Variants in SH3KBP1 observed in about 807,000 individuals in gnomAD.
The protein encoded by SH3KBP1 is SH3 domain containing kinase binding protein 1, also known as SH3 domain-containing kinase-binding protein 1.
Under a neutral mutation model 50.1 loss-of-function variants are expected in SH3KBP1, and 8 were observed. The ratio of observed to expected loss-of-function variants is 0.16; its 90% CI spans 0.09 to 0.29. SH3KBP1 has a LOEUF of 0.29. Among genes scored for constraint, SH3KBP1 ranks in the 10% least tolerant of loss-of-function variants. The pLI, the probability that SH3KBP1 is intolerant of heterozygous loss-of-function variation, is 1.00. For synonymous variants in SH3KBP1, 227 were observed against 218.6 expected, an observed-to-expected ratio of 1.04 and a Z score of -0.34; for missense variants, 377 against 535.2, an observed-to-expected ratio of 0.70 and a Z score of 2.92.
At chrX:19,739,014 G>GA (rs1167676836) in intron 3 of SH3KBP1, among the ~76,000 whole-genome samples, 812 of 22,414 alleles carry the variant, frequency 0.036, 9 homozygotes, top group Middle Eastern at 0.13. Flanking sequence ...CTGCCTCCAA[G>GA]AAAAAAAAAA....
intron 12 of SH3KBP1, among the ~76,000 whole-genome samples, chrX:19,575,322 G>A (rs1310222146): frequency 8.9e-6 from 1 of 111,926 alleles, no homozygotes; most frequent in African/African-American, 3.2e-5. Flanking sequence ...AGTGTGACCT[G>A]GGGTGAACCC....
intron 13 of SH3KBP1, among the ~76,000 whole-genome samples, chrX:19,554,655 G>A (rs926984946): frequency 1.8e-5 from 2 of 110,449 alleles, no homozygotes; most frequent in African/African-American, 6.6e-5. Context: ...ACCCACCTCG[G>A]CCTCCCAAAG....
rs145192587 is a variant in SH3KBP1 at position 19,860,160 on chromosome X, T to G, written c.5-23878A>C. 8.4e-3 allele frequency among the ~76,000 whole-genome samples: 906 copies of G among 108,383 alleles called. 14 individuals are homozygous for G. Among genetic ancestry groups the G allele is most frequent in the African/African-American group, 0.029 (855 of 29,668 alleles). The allele number at this position is 108,383 out of a possible 115,157, so 94.1% of individuals were successfully genotyped here. The stretch of plus-strand genomic sequence containing the variant: ...GGCACACACCTGTAGCCCCGGCAAC[T>G]CGGGAAGCTGGGGCAGGAGGATCAC... On this transcript the variant is annotated intron_variant, in intron 1 of 17. Coordinates refer to ENST00000397821, the MANE Select transcript of SH3KBP1 (RefSeq NM_031892.3).
chrX:19,575,774 C>T (rs2066178750), intron 12 of SH3KBP1, among the ~76,000 whole-genome samples: 1 of 111,964 alleles, frequency 8.9e-6, no homozygotes, highest in Non-Finnish European at 1.9e-5. Flanking sequence ...TTTATAGACT[C>T]TTAGAACAAT....
rs1026918616 is a variant in SH3KBP1 at position 19,535,087 on chromosome X, T to C, written c.*1330A>G. 5 of 295,468 alleles carry C rather than the reference T, an allele frequency of 1.7e-5. No individual in the cohort carries two copies. Among genetic ancestry groups the C allele is most frequent in the Non-Finnish European group, 2.9e-5 (5 of 169,881 alleles). 24.3% of individuals were successfully genotyped at this position (295,468 alleles called of 1,213,427 possible). A position where few individuals can be genotyped will look rare whatever the true frequency, so the allele number is the denominator to read the frequency against. ...GGACCACCCCCTCCACCCCTACCCC[T>C]GAACAGTCTCGCAATACAGTAGGCC... On this transcript the variant is annotated 3_prime_UTR_variant, in exon 18 of 18. Coordinates refer to ENST00000397821, the MANE Select transcript of SH3KBP1 (RefSeq NM_031892.3).
chrX:19,652,772 T>C (rs1474349205), intron 6 of SH3KBP1, among the ~76,000 whole-genome samples: 1 of 111,902 alleles, frequency 8.9e-6, no homozygotes, highest in Non-Finnish European at 1.9e-5. Context: ...TATGGAATAG[T>C]TGAGTGAACA....
intron 1 of SH3KBP1, among the ~76,000 whole-genome samples, chrX:19,852,636 G>GAAAA (rs760707711): frequency 1.9e-5 from 1 of 51,934 alleles, no homozygotes; most frequent in African/African-American, 6.7e-5. Context: ...TAGCTGCACA[G>GAAAA]AAAAAAAAAA....
chrX:19,683,379 G>C (rs1380878215), intron 6 of SH3KBP1: 1 of 365,334 alleles, frequency 2.7e-6, no homozygotes, highest in Non-Finnish European at 5.3e-6. Context: ...CTAACTCTTA[G>C]AGAAAAGGTG....
intron 13 of SH3KBP1, among the ~76,000 whole-genome samples, chrX:19,554,648 C>T (rs1198590196): frequency 9.1e-6 from 1 of 110,340 alleles, no homozygotes; most frequent in East Asian, 2.8e-4. Flanking sequence ...GTGATCCACC[C>T]ACCTCGGCCT....
intron 2 of SH3KBP1, among the ~76,000 whole-genome samples, chrX:19,785,358 A>C (rs867664030): frequency 9.5e-6 from 1 of 105,277 alleles, no homozygotes; most frequent in Non-Finnish European, 1.9e-5. Flanking sequence ...TCTCTACAAA[A>C]AATACAAAAA....
chrX:19,588,881 T>TAA, intron 11 of SH3KBP1, 79 bp from the exon 12 acceptor site: 298 of 640,380 alleles, frequency 4.7e-4, no homozygotes, highest in Middle Eastern at 9.9e-4. Flanking sequence ...CATTTCCTGC[T>TAA]AAAAAAAAAA....
chrX:19,779,963 T>A (rs1292053310), intron 2 of SH3KBP1, among the ~76,000 whole-genome samples: 18 of 110,518 alleles, frequency 1.6e-4, no homozygotes, highest in Non-Finnish European at 2.8e-4. Context: ...TGGCTGGGTA[T>A]ATACCCAGTA....
At chrX:19,868,664 T>C (rs2068968225) in intron 1 of SH3KBP1, among the ~76,000 whole-genome samples, 1 of 102,130 alleles carries the variant, frequency 9.8e-6, no homozygotes, top group Non-Finnish European at 2.0e-5. Context: ...TCCTAAGTTG[T>C]AAATGCACTT....
chrX:19,851,550 C>A (rs2088801772), intron 1 of SH3KBP1, among the ~76,000 whole-genome samples: 1 of 112,263 alleles, frequency 8.9e-6, no homozygotes, highest in Non-Finnish European at 1.9e-5. Flanking sequence ...AAAATATACT[C>A]TTTTGAGACA....
intron 3 of SH3KBP1, among the ~76,000 whole-genome samples, chrX:19,740,079 A>G (rs2064722721): frequency 9.0e-6 from 1 of 111,541 alleles, no homozygotes; most frequent in Admixed American, 9.5e-5. Flanking sequence ...TAATCGCAAC[A>G]TGATGGCTAT....
intron 1 of SH3KBP1, among the ~76,000 whole-genome samples, chrX:19,863,370 G>A (rs1003854075): frequency 4.5e-5 from 5 of 111,266 alleles, no homozygotes; most frequent in Non-Finnish European, 9.4e-5. Context: ...GCTAAAGCAG[G>A]GCTCTCTTCA....
rs769582766 is a variant in SH3KBP1, at chrX:19,864,811, C to T, written c.4+22496G>A. 2.7e-5 allele frequency among the ~76,000 whole-genome samples: 3 copies of T among 112,120 alleles called. No homozygotes were observed. The East Asian group carries it at 8.3e-4, about 31-fold the overall frequency. ...GAATATACCTGGTTACCAGTACCAC[C>T]GCTGCGTCTTTTGGACCTGACGGAT... On this transcript the variant is annotated intron_variant, in intron 1 of 17. Transcript: ENST00000397821.
intron 8 of SH3KBP1, among the ~76,000 whole-genome samples, chrX:19,624,831 T>C (rs1490513722): frequency 8.9e-6 from 1 of 112,452 alleles, no homozygotes; most frequent in Admixed American, 9.4e-5. Context: ...CATCAATGAC[T>C]CATTTGCTCA....
chrX:19,647,791 C>T (rs760215365), intron 6 of SH3KBP1, among the ~76,000 whole-genome samples: 1 of 111,010 alleles, frequency 9.0e-6, no homozygotes, highest in Non-Finnish European at 1.9e-5. Flanking sequence ...GTCCCTGCAC[C>T]AGCAGCACCT....
Sources: gnomAD v4.1 joint callset for allele counts (sites outside exome capture counted in the v4.1 genomes callset) on GRCh38, gnomAD v4.1.1 for gene constraint, MANE v1.5 for transcripts, NCBI Gene and HGNC (gene_info 2026-07-23, HGNC 2026-07-21) for gene names.